CHRM5: variants seen among roughly 807,000 people sequenced by gnomAD.
The protein encoded by CHRM5 is muscarinic acetylcholine receptor M5.
A neutral mutation model predicts 39.0 loss-of-function variants in CHRM5; 18 were observed. The observed-to-expected ratio is 0.46, with a 90% CI of 0.32 to 0.68. The LOEUF is 0.68. Ranked by LOEUF, CHRM5 falls within the 30% of genes least tolerant of loss-of-function variation. The pLI is 0.04. For missense variants in CHRM5, 515 were observed against 651.1 expected (o/e 0.79, Z 2.28); for synonymous variants, 241 against 246.3 (o/e 0.98, Z 0.20).
At chr15:34,038,926 C>T (rs1167721878) in intron 1 of CHRM5, 1 of 929,050 alleles carries the variant, frequency 1.1e-6, no homozygotes, top group Non-Finnish European at 1.3e-6. Context: ...CCGCCGCCTC[C>T]GCCGCCGCCT....
chr15:34,047,646 A>T (rs1285852997), intron 2 of CHRM5, among the ~76,000 whole-genome samples: 2 of 152,196 alleles, frequency 1.3e-5, no homozygotes, highest in East Asian at 3.9e-4. Context: ...CAGCCATTCT[A>T]GCTTGCGGCT....
intron 1 of CHRM5, among the ~76,000 whole-genome samples, chr15:34,006,012 T>C (rs2140640134): frequency 6.6e-6 from 1 of 152,164 alleles, no homozygotes; most frequent in Admixed American, 6.5e-5. Flanking sequence ...CCAGGAACAT[T>C]CTACAGAAAA....
chr15:34,015,460 T>C (rs911264735), intron 1 of CHRM5, among the ~76,000 whole-genome samples: 8 of 151,720 alleles, frequency 5.3e-5, no homozygotes, highest in Non-Finnish European at 1.0e-4. Flanking sequence ...CCAGCCTGGG[T>C]GACAGAGCGA....
rs1002922786 is a variant in CHRM5 at position 33,969,074 on chromosome 15, G to A, written c.-484G>A. The A allele has an allele frequency of 6.6e-6, 1 of 152,106 alleles. No homozygotes were observed. Among genetic ancestry groups the A allele is most frequent in the Admixed American group, 6.5e-5 (1 of 15,268 alleles). The allele number at this position is 152,106 out of a possible 1,614,324, so 9.4% of individuals were successfully genotyped here. On this transcript the variant is annotated 5_prime_UTR_variant, in exon 1 of 3. Coordinates refer to ENST00000383263, the MANE Select transcript of CHRM5 (RefSeq NM_012125.4). Reference sequence around the variant, plus strand: ...AAATAAAACATGAAAGGAAAGTAGAGAAGGCATTTTGGGTCTCGAAGCTTA... The same window carrying A: ...AAATAAAACATGAAAGGAAAGTAGAAAAGGCATTTTGGGTCTCGAAGCTTA...
chr15:34,049,030 C>T (rs770067357), intron 2 of CHRM5, among the ~76,000 whole-genome samples: 2 of 151,998 alleles, frequency 1.3e-5, no homozygotes, highest in Non-Finnish European at 2.9e-5. Context: ...CAGAAAAGAC[C>T]CCACAAAAAC....
chr15:33,999,214 G>A (rs1897049487), intron 1 of CHRM5, among the ~76,000 whole-genome samples: 1 of 152,172 alleles, frequency 6.6e-6, no homozygotes, highest in South Asian at 2.1e-4. Flanking sequence ...CTCAGAGTGG[G>A]GTCATCTTCA....
rs977582902 is a variant in CHRM5 at position 34,047,584 on chromosome 15, G to C, written c.-76+713G>C. ...TAAAAGCCAGAGTCTGCCTGAGAGA[G>C]AATTGAGCTCCCAGCGGGAGGATGA... On this transcript the variant is annotated intron_variant, in intron 2 of 2. Transcript: ENST00000383263. Among the ~76,000 whole-genome samples, 3 of 152,132 alleles carry C rather than the reference G, an allele frequency of 2.0e-5. 1 individual carries two copies. Among genetic ancestry groups the C allele is most frequent in the Admixed American group, 2.0e-4 (3 of 15,268 alleles).
chr15:34,052,129 C>G lies in CHRM5; in HGVS notation c.-76+5258C>G, dbSNP rs964941424. Among the ~76,000 whole-genome samples, 4 of 152,058 alleles carry G rather than the reference C, an allele frequency of 2.6e-5. 1 individual carries two copies. Among genetic ancestry groups the G allele is most frequent in the Non-Finnish European group, 5.9e-5 (4 of 68,006 alleles). ...TACTGGCAAATGAAATCCAGCAGCA[C>G]ATCAAAAAGTTTATCCACCACAATC... On this transcript the variant is annotated intron_variant, in intron 2 of 2. Coordinates refer to ENST00000383263, the MANE Select transcript of CHRM5 (RefSeq NM_012125.4).
chr15:33,985,310 T>A (rs917188195), intron 1 of CHRM5, among the ~76,000 whole-genome samples: 1 of 151,484 alleles, frequency 6.6e-6, no homozygotes, highest in Non-Finnish European at 1.5e-5. Context: ...CGTCTCAGAG[T>A]GGTAATTCAA....
Position 34,053,253 on chromosome 15 carries a change from TC to T in CHRM5, c.-76+6383del, listed in dbSNP as rs1899996880. ...AGGCAGAGGTTGCAGTGAGCCAAGA[TC>T]ATGCCACTGCACTCCAGCCTGGGTG... On this transcript the variant is annotated intron_variant, in intron 2 of 2. Transcript: ENST00000383263. 3.9e-5 allele frequency among the ~76,000 whole-genome samples: 5 copies of T among 129,612 alleles called. No individual in the cohort carries two copies. The South Asian group carries it at 1.2e-3, about 31-fold the overall frequency. The allele number at this position is 129,612 out of a possible 152,430, so 85.0% of individuals were successfully genotyped here. A position where few individuals can be genotyped will look rare whatever the true frequency, so the allele number is the denominator to read the frequency against.
chr15:34,033,460 C>T (rs925482420), intron 1 of CHRM5, among the ~76,000 whole-genome samples: 1 of 150,974 alleles, frequency 6.6e-6, no homozygotes, highest in South Asian at 2.1e-4. Context: ...GAGCCGAGAT[C>T]GTGCCACTGC....
At chr15:34,007,819 G>A (rs936272234) in intron 1 of CHRM5, among the ~76,000 whole-genome samples, 1 of 152,152 alleles carries the variant, frequency 6.6e-6, no homozygotes, top group African/African-American at 2.4e-5. Flanking sequence ...AGTTCTGAGG[G>A]AGAATCTATT....
chr15:33,997,404 T>C (rs1451660648), intron 1 of CHRM5, among the ~76,000 whole-genome samples: 2 of 152,160 alleles, frequency 1.3e-5, no homozygotes, highest in African/African-American at 4.8e-5. Context: ...AATACAAAGA[T>C]GTTCAACCTC....
chr15:34,048,246 A>G (rs1002700188), intron 2 of CHRM5, among the ~76,000 whole-genome samples: 11 of 151,582 alleles, frequency 7.3e-5, no homozygotes, highest in Admixed American at 1.3e-4. Flanking sequence ...GGGAGCTTCA[A>G]CCACTCCAGC....
chr15:34,003,091 T>C lies in CHRM5; in HGVS notation c.-408+33941T>C, dbSNP rs370441123. 1.5e-5 allele frequency: 24 copies of C among 1,613,908 alleles called. No homozygotes were observed. Among genetic ancestry groups the C allele is most frequent in the Middle Eastern group, 3.3e-4 (2 of 6,082 alleles). ...CCTCTGTGACTCTCCACTTTCATTA[T>C]TGACCTCTTTTTCAATATCTTGATA... On this transcript the variant is annotated intron_variant, in intron 1 of 2. Transcript: ENST00000383263.
At chr15:33,986,656 TTTTG>T (rs1896485428) in intron 1 of CHRM5, among the ~76,000 whole-genome samples, 1 of 151,942 alleles carries the variant, frequency 6.6e-6, no homozygotes, top group Non-Finnish European at 1.5e-5. Flanking sequence ...TATATCAGGT[TTTTG>T]TTTTTGTTTT....
At chr15:33,992,767 G>A (rs1236528195) in intron 1 of CHRM5, among the ~76,000 whole-genome samples, 2 of 152,204 alleles carry the variant, frequency 1.3e-5, no homozygotes, top group South Asian at 2.1e-4. Context: ...GGCTGCTAGA[G>A]TAATATCCTT....
intron 1 of CHRM5, among the ~76,000 whole-genome samples, chr15:34,016,855 G>A (rs1016976465): frequency 1.3e-5 from 2 of 152,146 alleles, no homozygotes; most frequent in Non-Finnish European, 2.9e-5. Flanking sequence ...ACACCCACGT[G>A]TGGTGGCACA....
At chr15:34,053,131 C>A (rs1272452986) in intron 2 of CHRM5, among the ~76,000 whole-genome samples, 2 of 151,268 alleles carry the variant, frequency 1.3e-5, no homozygotes. Context: ...GAAACCCCAT[C>A]TCTACTAAAA....
Sources: allele counts gnomAD v4.1 joint callset (sites outside exome capture counted in the v4.1 genomes callset), GRCh38; gene constraint gnomAD v4.1.1; transcripts MANE v1.5; gene names NCBI Gene and HGNC (gene_info 2026-07-23, HGNC 2026-07-21).